Variants in EPHA10 observed in about 807,000 individuals in gnomAD.
The protein encoded by EPHA10 is EPH receptor A10, also known as ephrin type-A receptor 10.
Under a neutral mutation model 109.7 loss-of-function variants are expected in EPHA10, and 120 were observed. That is an observed-to-expected ratio of 1.09 (90% CI 0.94 to 1.27). The LOEUF (loss-of-function observed/expected upper bound fraction) is 1.27, where lower values mean the gene tolerates loss of function less well. EPHA10 is among the 50% of genes most tolerant of loss of function. The pLI is 0.00. For missense variants in EPHA10, 1,396 were observed against 1,411.1 expected, an observed-to-expected ratio of 0.99 and a Z score of 0.17; for synonymous variants, 640 against 618.9, an observed-to-expected ratio of 1.03 and a Z score of -0.51.
chr1:37,725,506 CA>C (rs536628850), intron 8 of EPHA10, among the ~76,000 whole-genome samples: 1,723 of 56,362 alleles, frequency 0.031, 9 homozygotes, highest in African/African-American at 0.079. Flanking sequence ...GGCTCCATCT[CA>C]AAAAAAAAAA....
At chr1:37,741,270 C>T (rs1465611598) in intron 5 of EPHA10, among the ~76,000 whole-genome samples, 1 of 152,234 alleles carries the variant, frequency 6.6e-6, no homozygotes, top group Non-Finnish European at 1.5e-5. Context: ...CCATGTCTTA[C>T]GCTGAGAGGA....
chr1:37,738,282 GT>G lies in EPHA10; in HGVS notation c.1358-2893del, dbSNP rs1243014306. On this transcript the variant is annotated intron_variant, in intron 5 of 16. Transcript: ENST00000373048. ...CTCCAGAGGCTGAGGCACAAGAATT[GT>G]TTGAACCTGGGAGGCAGAGGTTGCA... is the stretch of plus-strand genomic sequence containing the variant. Among the ~76,000 whole-genome samples the G allele has an allele frequency of 3.9e-5, 6 of 152,142 alleles. No individual in the cohort carries two copies. In the South Asian group the frequency reaches 8.3e-4, roughly 21 times the overall value.
chr1:37,764,620 C>G lies in EPHA10; in HGVS notation c.106+341G>C, dbSNP rs1646459637. 6.6e-6 allele frequency among the ~76,000 whole-genome samples: 1 copy of G among 152,132 alleles called. No homozygotes were observed. Among genetic ancestry groups the G allele is most frequent in the African/African-American group, 2.4e-5 (1 of 41,434 alleles). On this transcript the variant is annotated intron_variant, in intron 1 of 16. Transcript: ENST00000373048. This position sits in a 1 kb window ranked among gnomAD's most constrained non-coding sequence, Gnocchi z 5.8. ...ATTCCGAGCTCACCTCCGCATCTCC[C>G]TGTCTCCACTCTTCATCTCCCCGCC...
intron 3 of EPHA10, among the ~76,000 whole-genome samples, chr1:37,755,124 G>C (rs1646382314): frequency 6.6e-6 from 1 of 152,156 alleles, no homozygotes. Flanking sequence ...AAATGAGGGA[G>C]CTAAGGCTAG....
At chr1:37,762,684 T>G in intron 2 of EPHA10, 101 bp downstream of exon 2, 6 of 1,085,834 alleles carry the variant, frequency 5.5e-6, no homozygotes, top group Non-Finnish European at 7.5e-6. Context: ...CCACACACTC[T>G]GAGGAGCACT....
At chr1:37,733,554 A>G (rs1646023998) in intron 6 of EPHA10, among the ~76,000 whole-genome samples, 1 of 151,978 alleles carries the variant, frequency 6.6e-6, no homozygotes, top group African/African-American at 2.4e-5. Context: ...ATGCCCAACA[A>G]CCTGGGAGCA....
rs1431463440 is a variant in EPHA10 at position 37,752,902 on chromosome 1, T to C, written c.1331A>G (p.Gln444Arg). Residue 444 changes from glutamine (Q) to arginine (R), a missense_variant, in exon 5 of 17, where the codon CAG becomes CGG. Gln to Arg is a conservative substitution (Grantham distance 43). Coordinates refer to ENST00000373048, the MANE Select transcript of EPHA10 (RefSeq NM_001099439.2). ...PAAAAGTTYA[Q>R]VTVSTGPGAP... The stretch of plus-strand genomic sequence containing the variant: ...CCCGGGCCCGGTGGAGACGGTGACC[T>C]GCGCGTAGGTGGTTCCCGCGGCGGC... 1.3e-4 allele frequency: 174 copies of C among 1,306,796 alleles called. No individual in the cohort carries two copies. The Middle Eastern group carries it at 1.8e-3, about 13-fold the overall frequency. 81.0% of individuals were successfully genotyped at this position (1,306,796 alleles called of 1,614,324 possible).
In EPHA10 at chr1:37,764,646, C is replaced by T. The variant is rs1004608467; in HGVS notation, c.106+315G>A. Among the ~76,000 whole-genome samples, 1 of 152,114 alleles carries T rather than the reference C, an allele frequency of 6.6e-6. No individual in the cohort carries two copies. The highest frequency in any genetic ancestry group is 1.5e-5 in the Non-Finnish European group (1 of 68,032). On this transcript the variant is annotated intron_variant, in intron 1 of 16. Transcript: ENST00000373048. This position sits in a 1 kb window ranked among gnomAD's most constrained non-coding sequence, Gnocchi z 5.8. ...TGTCTCCACTCTTCATCTCCCCGCCCCCGCACCTCCCACCTCCAATCACTC... is the reference window on the plus strand; with the variant it reads ...TGTCTCCACTCTTCATCTCCCCGCCTCCGCACCTCCCACCTCCAATCACTC...
At chr1:37,761,070 CAA>C in intron 3 of EPHA10, 2 of 974,224 alleles carry the variant, frequency 2.1e-6, no homozygotes, top group Non-Finnish European at 2.6e-6. Flanking sequence ...GGCAACAGAG[CAA>C]GAGAGACTCC....
intron 3 of EPHA10, among the ~76,000 whole-genome samples, chr1:37,758,522 C>T (rs1646408037): frequency 6.6e-6 from 1 of 152,236 alleles, no homozygotes; most frequent in Non-Finnish European, 1.5e-5. Context: ...TAACCCTTGA[C>T]TTACCTGACT....
Position 37,754,313 on chromosome 1 carries a change from G to A in EPHA10, c.908C>T (p.Pro303Leu). ...SPRRPLCSPC[P>L]EHSRALENAS... ...GTTTTCCAGGGCCCGGCTGTGCTCT[G>A]GGCACGGTGAGCAGAGGGGCCGCCG... The change falls in exon 4 of 17, where the codon CCA becomes CTA. Residue 303 changes from proline (P) to leucine (L), a missense_variant. By Grantham distance (98) the Pro-to-Leu change is moderately conservative (BLOSUM62 -3). Coordinates refer to ENST00000373048, the MANE Select transcript of EPHA10 (RefSeq NM_001099439.2). This position sits in a 1 kb window ranked among gnomAD's most constrained non-coding sequence, Gnocchi z 4.5. 7.6e-7 allele frequency: 1 copy of A among 1,322,074 alleles called. No homozygotes were observed. The highest frequency in any genetic ancestry group is 9.7e-7 in the Non-Finnish European group (1 of 1,030,546). The allele number at this position is 1,322,074 out of a possible 1,614,324, so 81.9% of individuals were successfully genotyped here.
At chr1:37,735,519 G>T in intron 5 of EPHA10, 129 bp from the exon 6 acceptor site, 2 of 1,130,364 alleles carry the variant, frequency 1.8e-6, no homozygotes, top group Non-Finnish European at 2.5e-6. Context: ...GGTCTAACGG[G>T]CTGTGGGCGG....
rs1645712028 is a variant in EPHA10, at chr1:37,717,535, G to A, written c.*837C>T. 1 of 231,462 alleles carries A rather than the reference G, an allele frequency of 4.3e-6. No individual in the cohort carries two copies. Among genetic ancestry groups the A allele is most frequent in the South Asian group, 1.8e-4 (1 of 5,528 alleles). 14.3% of individuals were successfully genotyped at this position (231,462 alleles called of 1,614,324 possible). A position where few individuals can be genotyped will look rare whatever the true frequency, so the allele number is the denominator to read the frequency against. On this transcript the variant is annotated 3_prime_UTR_variant, in exon 17 of 17. Transcript: ENST00000373048. ...TGAGTCTCCTCTTCACCCTCCCCATGGCTGGAGAGAAAAGCTCTTGGGTCC... is the reference window on the plus strand; with the variant it reads ...TGAGTCTCCTCTTCACCCTCCCCATAGCTGGAGAGAAAAGCTCTTGGGTCC...
chr1:37,756,449 A>G (rs640218), intron 3 of EPHA10: 82,344 of 152,034 alleles, frequency 0.54, 22,280 homozygotes, highest in South Asian at 0.63. Flanking sequence ...TCTCTGCTGT[A>G]AGAGGCTCTG....
chr1:37,726,219 G>A (rs1218775703), intron 8 of EPHA10, among the ~76,000 whole-genome samples: 1 of 152,214 alleles, frequency 6.6e-6, no homozygotes, highest in Non-Finnish European at 1.5e-5. Context: ...TCCAGCACAT[G>A]GACCCTTCAT....
chr1:37,727,243 G>A, intron 7 of EPHA10, 33 bp from the exon 8 acceptor site: 3 of 1,558,008 alleles, frequency 1.9e-6, no homozygotes, highest in Non-Finnish European at 1.7e-6. Flanking sequence ...GAGGCAGGCA[G>A]AGGACCAGGC....
intron 5 of EPHA10, among the ~76,000 whole-genome samples, chr1:37,739,688 CAAAA>C (rs66804054): frequency 1.3e-5 from 1 of 76,638 alleles, no homozygotes; most frequent in Non-Finnish European, 2.4e-5. Context: ...GACCCTGTCT[CAAAA>C]AAAAAAAAAA....
At chr1:37,715,139 C>T (rs1645673788), downstream of EPHA10, 1 of 152,298 alleles carries the variant, frequency 6.6e-6, no homozygotes. Flanking sequence ...AAGTGATTCT[C>T]CTGTGTCATC....
In EPHA10 at chr1:37,754,288, G is replaced by T; in HGVS notation, c.933C>A (p.Asn311Lys). 1 of 1,317,430 alleles carries T rather than the reference G, an allele frequency of 7.6e-7. No individual in the cohort carries two copies. 81.6% of individuals were successfully genotyped at this position (1,317,430 alleles called of 1,614,324 possible). A position where few individuals can be genotyped will look rare whatever the true frequency, so the allele number is the denominator to read the frequency against. Residue 311 changes from asparagine to lysine, a missense_variant, in exon 4 of 17, where the codon AAC becomes AAA. Coordinates refer to ENST00000373048, the MANE Select transcript of EPHA10 (RefSeq NM_001099439.2). The surrounding 1 kb of genome is among the most constrained non-coding windows in gnomAD (Gnocchi z 4.5). ...PCPEHSRALE[N>K]ASTFCVCQDS... ...CCTGGCACACGCAGAAGGTGGAGGC[G>T]TTTTCCAGGGCCCGGCTGTGCTCTG...
Sources: gnomAD v4.1 joint callset for allele counts (sites outside exome capture counted in the v4.1 genomes callset) on GRCh38, gnomAD v4.1.1 for gene constraint, Gnocchi (gnomAD v3.1) non-coding constraint, MANE v1.5 for transcripts, NCBI Gene and HGNC (gene_info 2026-07-23, HGNC 2026-07-21) for gene names.